SERPINA6: variants seen among roughly 807,000 people sequenced by gnomAD.
The protein encoded by SERPINA6 is serpin family A member 6, also known as corticosteroid-binding globulin.
Under a neutral mutation model 26.4 loss-of-function variants are expected in SERPINA6, and 19 were observed. That is an observed-to-expected ratio of 0.72 (90% confidence interval 0.50 to 1.06). SERPINA6 has a LOEUF of 1.06. Among genes scored for constraint, SERPINA6 ranks in the 50% least tolerant of loss-of-function variants. SERPINA6 has a pLI of 0.00. For synonymous variants in SERPINA6, 196 were observed against 199.4 expected, an observed-to-expected ratio of 0.98 and a Z score of 0.14; for missense variants, 473 against 504.0, an observed-to-expected ratio of 0.94 and a Z score of 0.59.
In SERPINA6 at chr14:94,304,572, T is replaced by G; in HGVS notation, c.1064A>C (p.Glu355Ala). 3.1e-6 allele frequency: 5 copies of G among 1,614,198 alleles called. No individual in the cohort carries two copies. Among genetic ancestry groups the G allele is most frequent in the Non-Finnish European group, 4.2e-6 (5 of 1,180,020 alleles). Residue 355 changes from glutamate to alanine, a missense_variant, in exon 5 of 5, where the codon GAG becomes GCG. Glu to Ala is a moderately radical substitution (Grantham distance 107, BLOSUM62 -1). Coordinates refer to ENST00000341584, the MANE Select transcript of SERPINA6 (RefSeq NM_001756.4). ...VVHKAVLQLN[E>A]EGVDTAGSTG... Reference sequence around the variant, plus strand: ...GGAGCCAGCTGTGTCCACACCCTCCTCATTGAGTTGCAGCACAGCTTTATG... The same window carrying G: ...GGAGCCAGCTGTGTCCACACCCTCCGCATTGAGTTGCAGCACAGCTTTATG...
intron 1 of SERPINA6, 35 bp from the exon 2 acceptor site, chr14:94,314,702 C>T (rs908508920): frequency 6.3e-7 from 1 of 1,599,070 alleles, no homozygotes; most frequent in Admixed American, 1.7e-5. Context: ...GATGCTGTGG[C>T]AGTCTCTGAG....
In SERPINA6 at chr14:94,309,775, C is replaced by T. The variant is rs267604111; in HGVS notation, c.845G>A (p.Arg282Gln). ...KMNTVIAALS[R>Q]DTINRWSAGL... ...TGCGGACCACCTGTTAATCGTGTCC[C>T]GGCTCAGTGCAGCGATGACTGTGTT... The change falls in exon 3 of 5, where the codon CGG becomes CAG. Residue 282 changes from arginine to glutamine, a missense_variant. Transcript: ENST00000341584. The T allele has an allele frequency of 1.9e-5, 31 of 1,614,116 alleles. No homozygotes were observed. The highest frequency in any genetic ancestry group is 6.7e-5 in the African/African-American group (5 of 75,010).
chr14:94,316,965 A>C (rs1895622824), intron 1 of SERPINA6, among the ~76,000 whole-genome samples: 1 of 152,178 alleles, frequency 6.6e-6, no homozygotes, highest in South Asian at 2.1e-4. Flanking sequence ...CTTCAGACTC[A>C]GACTGAATTA....
chr14:94,309,641 G>A, intron 3 of SERPINA6, 95 bp downstream of exon 3: 2 of 1,440,060 alleles, frequency 1.4e-6, no homozygotes, highest in South Asian at 1.1e-5. Context: ...TGAGTCCAGG[G>A]AAGGAAGGAT....
At position 94,305,988 on chromosome 14, in the gene SERPINA6, C is replaced by T. The variant is rs141800048; in HGVS notation, c.1032+83G>A. 4.1e-4 allele frequency: 622 copies of T among 1,534,630 alleles called. 1 individual carries two copies. In the African/African-American group the frequency reaches 5.8e-3, roughly 14 times the overall value. ...AGGGACCTAGAGGCTCATTCATGAA[C>T]GAACTCAGTGCCACTTCCTAGTATT... On this transcript the variant is annotated intron_variant, in intron 4 of 4. Coordinates refer to ENST00000341584, the MANE Select transcript of SERPINA6 (RefSeq NM_001756.4).
chr14:94,314,464 T>C lies in SERPINA6; in HGVS notation c.185A>G (p.Asn62Ser), dbSNP rs1192007952. The C allele has an allele frequency of 3.7e-6, 6 of 1,614,038 alleles. No homozygotes were observed. Among genetic ancestry groups the C allele is most frequent in the African/African-American group, 1.3e-5 (1 of 74,924 alleles). ...KHLVALSPKK[N>S]IFISPVSISM... ...GATGCTCACAGGGGAGATGAAAATG[T>C]TCTTTTTGGGACTCAAGGCCACTAG... Residue 62 changes from asparagine (N) to serine (S), a missense_variant, in exon 2 of 5, where the codon AAC (asparagine) becomes AGC (serine). Coordinates refer to ENST00000341584, the MANE Select transcript of SERPINA6 (RefSeq NM_001756.4).
At chr14:94,317,664 AAGT>A (rs1895630580) in intron 1 of SERPINA6, among the ~76,000 whole-genome samples, 1 of 152,350 alleles carries the variant, frequency 6.6e-6, no homozygotes, top group South Asian at 2.1e-4. Flanking sequence ...TAGCTGGACT[AAGT>A]AGAAAGTCCT....
At chr14:94,311,924 G>T (rs967472723) in intron 2 of SERPINA6, among the ~76,000 whole-genome samples, 5 of 151,940 alleles carry the variant, frequency 3.3e-5, no homozygotes, top group Non-Finnish European at 7.4e-5. Context: ...CTCCAGCCTG[G>T]GCAACTGAGC....
In SERPINA6 at chr14:94,314,606, T is replaced by C. The variant is rs747876567; in HGVS notation, c.43A>G (p.Ser15Gly). ...LYTCLLWLPT[S>G]GLWTVQAMDP... is the part of the protein sequence containing the mutation. ...ATGGCCTGGACGGTCCAGAGGCCGCTGGTGGGCAGCCAGAGAAGACAGGTG... is the reference window on the plus strand; with the variant it reads ...ATGGCCTGGACGGTCCAGAGGCCGCCGGTGGGCAGCCAGAGAAGACAGGTG... Residue 15 changes from serine (S) to glycine (G), a missense_variant, in exon 2 of 5, where the codon AGC becomes GGC. Coordinates refer to ENST00000341584, the MANE Select transcript of SERPINA6 (RefSeq NM_001756.4). 69 of 1,614,014 alleles carry C rather than the reference T, an allele frequency of 4.3e-5. No homozygotes were observed. The highest frequency in any genetic ancestry group is 5.1e-5 in the Non-Finnish European group (60 of 1,180,038).
At chr14:94,314,869 C>A in intron 1 of SERPINA6, 1 of 623,518 alleles carries the variant, frequency 1.6e-6, no homozygotes, top group Non-Finnish European at 2.9e-6. Flanking sequence ...TATGATTTAT[C>A]CAGTGCCTGA....
chr14:94,306,202 TGTACAG>T lies in SERPINA6; in HGVS notation c.895_900del (p.Leu299_Tyr300del). On this transcript the variant is annotated inframe_deletion, in exon 4 of 5. Transcript: ENST00000341584. ...ACTCCAGAGATGGTGACCTTTGGAA[TGTACAG>T]GTCCACCTGGCTGCTCGGGGTAAGC... 1 of 1,614,196 alleles carries T rather than the reference TGTACAG, an allele frequency of 6.2e-7. No homozygotes were observed. The highest frequency in any genetic ancestry group is 8.5e-7 in the Non-Finnish European group (1 of 1,180,038).
In SERPINA6 at chr14:94,304,428, T is replaced by C; in HGVS notation, c.1208A>G (p.Asn403Ser). Reference protein sequence around the residue: ...WSSLFLARVMNPV With the variant: ...WSSLFLARVMSPV ...TGGGTGGGTGGTCTCTTACACTGGG[T>C]TCATAACCCTCGCCAGGAAAAGGCT... The change falls in exon 5 of 5, where the codon AAC becomes AGC. Residue 403 changes from asparagine to serine, a missense_variant. Physicochemically the swap from Asn to Ser is conservative, Grantham distance 46. Transcript: ENST00000341584. 1 of 1,614,084 alleles carries C rather than the reference T, an allele frequency of 6.2e-7. No homozygotes were observed. The highest frequency in any genetic ancestry group is 8.5e-7 in the Non-Finnish European group (1 of 1,179,978).
chr14:94,305,942 C>T, intron 4 of SERPINA6, 129 bp downstream of exon 4: 1 of 1,015,720 alleles, frequency 9.8e-7, no homozygotes, highest in Non-Finnish European at 1.5e-6. Flanking sequence ...GGGGCTTTGA[C>T]TCAACCTGGG....
Position 94,304,465 on chromosome 14 carries a change from A to T in SERPINA6, c.1171T>A (p.Phe391Ile). The T allele has an allele frequency of 6.2e-7, 1 of 1,614,194 alleles. No individual in the cohort carries two copies. Among genetic ancestry groups the T allele is most frequent in the Middle Eastern group, 1.6e-4 (1 of 6,062 alleles). ...GCCAGGAAAAGGCTGCTCCAGGTGA[A>T]GTGGTCGAAGATCATGATGATGAAG... ...QPFIIMIFDH[F>I]TWSSLFLARV... The change falls in exon 5 of 5, where the codon TTC becomes ATC. Residue 391 changes from phenylalanine (F) to isoleucine (I), a missense_variant. Transcript: ENST00000341584.
At chr14:94,312,162 C>T (rs758047107) in intron 2 of SERPINA6, among the ~76,000 whole-genome samples, 5 of 152,186 alleles carry the variant, frequency 3.3e-5, no homozygotes, top group Admixed American at 6.5e-5. Flanking sequence ...GGCATTTCAT[C>T]TCCATCAATG....
intron 3 of SERPINA6, among the ~76,000 whole-genome samples, chr14:94,309,188 C>T (rs576373021): frequency 2.0e-5 from 3 of 152,354 alleles, no homozygotes; most frequent in Non-Finnish European, 4.4e-5. Context: ...TCTACTTACT[C>T]GCTTATTACC....
chr14:94,307,038 G>A (rs751520003), intron 3 of SERPINA6, among the ~76,000 whole-genome samples: 6 of 152,098 alleles, frequency 3.9e-5, no homozygotes, highest in South Asian at 2.1e-4. Flanking sequence ...AGTGAGGCCC[G>A]GAGGCTGGCA....
In SERPINA6 at chr14:94,314,403, A is replaced by G. The variant is rs1296841518; in HGVS notation, c.246T>C (p.Cys82=). The stretch of plus-strand genomic sequence containing the variant: ...GGAGAAGCTGGGCCCGTGTGTGGCC[A>G]CAGGTGCCCAGGGACAGCATAGCTA... ...MALAMLSLGT[C]GHTRAQLLQG... The change falls in exon 2 of 5, where the codon TGT becomes TGC. Residue 82 remains cysteine, a synonymous_variant. Transcript: ENST00000341584. 1 of 1,614,078 alleles carries G rather than the reference A, an allele frequency of 6.2e-7. No homozygotes were observed. The highest frequency in any genetic ancestry group is 8.5e-7 in the Non-Finnish European group (1 of 1,180,048).
chr14:94,311,379 C>T (rs959089388), intron 2 of SERPINA6, among the ~76,000 whole-genome samples: 3 of 152,006 alleles, frequency 2.0e-5, no homozygotes, highest in East Asian at 1.9e-4. Context: ...AGGTTTTTTT[C>T]GTCCTTAACA....
Sources: gnomAD v4.1 joint callset for allele counts (sites outside exome capture counted in the v4.1 genomes callset) on GRCh38, gnomAD v4.1.1 for gene constraint, MANE v1.5 for transcripts, NCBI Gene and HGNC (gene_info 2026-07-23, HGNC 2026-07-21) for gene names.